The following BBOF1 variants were observed in gnomAD, a reference collection of about 807,000 sequenced individuals.
BBOF1 encodes basal body orientation factor 1.
A neutral mutation model predicts 68.0 loss-of-function variants in BBOF1; 62 were observed. The observed-to-expected ratio is 0.91, with a 90% CI of 0.74 to 1.13. The LOEUF (loss-of-function observed/expected upper bound fraction) is 1.13. Ranked by LOEUF, BBOF1 falls within the 50% of genes most tolerant of loss-of-function variation. The pLI is 0.00. For synonymous variants in BBOF1, 208 were observed against 198.8 expected, an observed-to-expected ratio of 1.05 and a Z score of -0.39; for missense variants, 534 against 600.1, an observed-to-expected ratio of 0.89 and a Z score of 1.15.
intron 9 of BBOF1, chr14:74,075,084 GC>G: frequency 1.4e-6 from 2 of 1,416,328 alleles, no homozygotes; most frequent in Non-Finnish European, 2.0e-6. Flanking sequence ...TTAGCAAATA[GC>G]TACTATATGC....
Position 74,055,667 on chromosome 14 carries a change from T to C in BBOF1, c.1370T>C (p.Met457Thr). Residue 457 changes from methionine (M) to threonine (T), a missense_variant, in exon 9 of 12, where the codon ATG becomes ACG. By Grantham distance (81) the Met-to-Thr change is moderately conservative. Transcript: ENST00000394009. ...GTATTGCGATTGCTCTTTGCAAAAA[T>C]GAATGGCTGTCCTTCTAGGTAACTC... ...EKVLRLLFAK[M>T]NGCPSRKYNQ... The C allele has an allele frequency of 6.2e-7, 1 of 1,613,320 alleles. No homozygotes were observed. The highest frequency in any genetic ancestry group is 8.5e-7 in the Non-Finnish European group (1 of 1,179,458).
intron 11 of BBOF1, chr14:74,081,156 A>G (rs1042407046): frequency 1.3e-5 from 2 of 152,192 alleles, no homozygotes; most frequent in African/African-American, 2.4e-5. Context: ...AAAGCACCCA[A>G]ATTCCTTTAT....
At chr14:74,053,040 TAATA>T (rs749014138) in intron 8 of BBOF1, among the ~76,000 whole-genome samples, 4 of 151,858 alleles carry the variant, frequency 2.6e-5, no homozygotes, top group Non-Finnish European at 5.9e-5. Context: ...CAAAAAATAA[TAATA>T]AATAAAATAA....
intron 2 of BBOF1, among the ~76,000 whole-genome samples, chr14:74,028,158 A>G (rs1276413880): frequency 2.0e-5 from 3 of 152,068 alleles, no homozygotes; most frequent in Non-Finnish European, 4.4e-5. Flanking sequence ...ACCTGAGGTC[A>G]GAAGTTCGAG....
Position 74,076,454 on chromosome 14 carries a change from C to T in BBOF1, n.1380-1742C>T, listed in dbSNP as rs995749447. Among the ~76,000 whole-genome samples, 5 of 152,018 alleles carry T rather than the reference C, an allele frequency of 3.3e-5. No individual in the cohort carries two copies. In the Middle Eastern group the frequency reaches 0.014, roughly 414 times the overall value. ...TCGGCTCACTGCAACCTCTGCCTCC[C>T]GTGTTCAAGCGATTCTCCTGCCTCA... On this transcript the variant is annotated intron_variant and non_coding_transcript_variant, in intron 9 of 12. Transcript: ENST00000492026.
At chr14:74,052,844 A>G (rs2060097999) in intron 8 of BBOF1, among the ~76,000 whole-genome samples, 1 of 151,566 alleles carries the variant, frequency 6.6e-6, no homozygotes, top group Non-Finnish European at 1.5e-5. Flanking sequence ...AAAAAACAAA[A>G]CAAAAAGTAG....
chr14:74,044,079 G>C (rs939894206), intron 5 of BBOF1, among the ~76,000 whole-genome samples: 4 of 151,304 alleles, frequency 2.6e-5, no homozygotes, highest in East Asian at 4.0e-4. Flanking sequence ...AACCCTGTCT[G>C]TACTAAAAAT....
rs1057466 is a variant in BBOF1, at chr14:74,048,261, G to A, written c.792+187G>A. 1.4e-5 allele frequency: 7 copies of A among 506,914 alleles called. No homozygotes were observed. In the South Asian group the frequency reaches 2.2e-4, roughly 16 times the overall value. The allele number at this position is 506,914 out of a possible 1,614,324, so 31.4% of individuals were successfully genotyped here. A position where few individuals can be genotyped will look rare whatever the true frequency, so the allele number is the denominator to read the frequency against. ...CTTATAATGCTTATAAGAAGCATTA[G>A]ACTCAACTTATAAAGAATATATCAG... On this transcript the variant is annotated intron_variant, in intron 7 of 11. Coordinates refer to ENST00000394009, the MANE Select transcript of BBOF1 (RefSeq NM_025057.3).
At chr14:74,068,903 A>G (rs769552036), downstream of BBOF1, 1 of 1,614,056 alleles carries the variant, frequency 6.2e-7, no homozygotes, top group South Asian at 1.1e-5. Context: ...TCCTCTCTCG[A>G]AGATATACTC....
Position 74,019,529 on chromosome 14 carries a change from C to T in BBOF1, c.51C>T (p.Asp17=). Residue 17 remains aspartate (D), a synonymous_variant, in exon 1 of 12, where the codon GAC becomes GAT. Transcript: ENST00000394009. ...AGAAAGGCAAGAGCAAAGGCAAAGA[C>T]ACGAAGTAAGGAGAAGCCACCCGAG... ...DKKKGKSKGK[D]TKKLIKTDES... The T allele has an allele frequency of 6.3e-7, 1 of 1,599,130 alleles. No homozygotes were observed. Among genetic ancestry groups the T allele is most frequent in the Non-Finnish European group, 8.5e-7 (1 of 1,172,916 alleles).
chr14:74,070,277 G>A (rs28483275), downstream of BBOF1, among the ~76,000 whole-genome samples: 8,398 of 152,080 alleles, frequency 0.055, 706 homozygotes, highest in African/African-American at 0.18. Flanking sequence ...CCAGCACTTT[G>A]GGAGGCCGAG....
chr14:74,071,601 G>A, intron 9 of BBOF1: 1 of 1,599,390 alleles, frequency 6.3e-7, no homozygotes, highest in Admixed American at 1.7e-5. Flanking sequence ...GGCCAATGAA[G>A]GGGTGCAGGG....
At chr14:74,048,635 T>C (rs997582023) in intron 7 of BBOF1, 1 of 152,176 alleles carries the variant, frequency 6.6e-6, no homozygotes, top group African/African-American at 2.4e-5. Context: ...AAAGTGTGCC[T>C]CTCGTTTAAG....
downstream of BBOF1, chr14:74,069,232 C>A (rs537318363): frequency 2.3e-5 from 9 of 391,930 alleles, no homozygotes; most frequent in Non-Finnish European, 4.3e-5. Flanking sequence ...GCCTCCCAAG[C>A]AGCTGGGATT....
chr14:74,072,532 C>T (rs2060564373), intron 9 of BBOF1: 1 of 1,614,024 alleles, frequency 6.2e-7, no homozygotes, highest in African/African-American at 1.3e-5. Flanking sequence ...AGCAGCTTCG[C>T]TTACTGGGTT....
intron 4 of BBOF1, among the ~76,000 whole-genome samples, chr14:74,037,273 TC>T (rs1269431426): frequency 5.5e-4 from 64 of 117,424 alleles, no homozygotes; most frequent in Non-Finnish European, 8.8e-4. Context: ...ACGCCTGGCC[TC>T]TTTTTTTTTT....
At chr14:74,019,564 T>C in intron 1 of BBOF1, 30 bp downstream of exon 1, 17 of 1,568,508 alleles carry the variant, frequency 1.1e-5, no homozygotes, top group Non-Finnish European at 1.5e-5. Context: ...GAGTCCCCTC[T>C]CCCTGGGCCT....
At position 74,064,953 on chromosome 14, in the gene BBOF1, G is replaced by A; in HGVS notation, c.*254G>A. On this transcript the variant is annotated 3_prime_UTR_variant, in exon 12 of 12. Transcript: ENST00000394009. The stretch of plus-strand genomic sequence containing the variant: ...AGAACAAATCCGTGTCATATCCTAA[G>A]GACAAAGGAACTCTCCATTTAGAAA... 2 of 1,586,082 alleles carry A rather than the reference G, an allele frequency of 1.3e-6. No homozygotes were observed. The highest frequency in any genetic ancestry group is 1.7e-6 in the Non-Finnish European group (2 of 1,156,672).
At chr14:74,072,014 G>A in intron 9 of BBOF1, 1 of 1,600,348 alleles carries the variant, frequency 6.2e-7, no homozygotes. Flanking sequence ...ATGCAAGAAT[G>A]TTCCTCTTTT....
Sources: gnomAD v4.1 joint callset for allele counts (sites outside exome capture counted in the v4.1 genomes callset) on GRCh38, gnomAD v4.1.1 for gene constraint, MANE v1.5 for transcripts, NCBI Gene and HGNC (gene_info 2026-07-23, HGNC 2026-07-21) for gene names.